Variants in DOCK6 observed in about 807,000 individuals in gnomAD.
DOCK6 encodes the protein dedicator of cytokinesis 6.
In DOCK6, 167 loss-of-function variants were observed where a neutral mutation model predicts 230.3. The ratio of observed to expected loss-of-function variants is 0.73; its 90% confidence interval spans 0.64 to 0.82. The LOEUF (loss-of-function observed/expected upper bound fraction) is 0.82, where lower values mean the gene tolerates loss of function less well. Ranked by LOEUF, DOCK6 falls within the 40% of genes least tolerant of loss-of-function variation. The pLI is 0.00. For missense variants in DOCK6, 2,598 were observed against 2,825.8 expected, an observed-to-expected ratio of 0.92 and a Z score of 1.83; for synonymous variants, 1,148 against 1,185.0, an observed-to-expected ratio of 0.97 and a Z score of 0.64.
intron 22 of DOCK6, among the ~76,000 whole-genome samples, chr19:11,230,544 G>A (rs1437890351): frequency 2.0e-5 from 3 of 152,066 alleles, no homozygotes; most frequent in African/African-American, 7.2e-5. Context: ...GAATGTGTGT[G>A]GCCAGAGAAG....
At position 11,211,997 on chromosome 19, in the gene DOCK6, T is replaced by A; in HGVS notation, c.4646A>T (p.Glu1549Val). The change falls in exon 36 of 48, where the codon GAG becomes GTG. Residue 1549 changes from glutamate to valine, a missense_variant. Physicochemically the swap from Glu to Val is moderately radical, Grantham distance 121. Coordinates refer to ENST00000294618, the MANE Select transcript of DOCK6 (RefSeq NM_020812.4). The part of the protein sequence containing the change: ...DMGLRDSTFA[E>V]QVQDLMFNLH... The stretch of plus-strand genomic sequence containing the variant: ...CGGGGACCCAGCAGGTGTCACCTGC[T>A]CTGCGAAGGTGCTGTCCCGCAGCCC... 6.2e-7 allele frequency: 1 copy of A among 1,603,066 alleles called. No homozygotes were observed. Among genetic ancestry groups the A allele is most frequent in the South Asian group, 1.1e-5 (1 of 89,464 alleles).
In DOCK6 at chr19:11,208,666, C is replaced by G. The variant is rs1225990867; in HGVS notation, c.5088+20G>C. ...CCTGGCCCGAGCCCCCTCTCCTGCA[C>G]CCAGTCCCCAAGGCCTCACCATGGT... On this transcript the variant is annotated intron_variant, in intron 39 of 47. Coordinates refer to ENST00000294618, the MANE Select transcript of DOCK6 (RefSeq NM_020812.4). The G allele has an allele frequency of 6.2e-7, 1 of 1,603,384 alleles. No individual in the cohort carries two copies. Among genetic ancestry groups the G allele is most frequent in the Admixed American group, 1.7e-5 (1 of 59,756 alleles).
In DOCK6 at chr19:11,236,557, G is replaced by T. The variant is rs773582745; in HGVS notation, c.2181C>A (p.Phe727Leu). ...VHPQDPYLDK[F>L]FTLVHVLEEG... ...CCTCCAGGACGTGCACCAGGGTGAA[G>T]AATTTGTCCAGGTAGGGGTCCTGGG... is the stretch of plus-strand genomic sequence containing the variant. The change falls in exon 20 of 48, where the codon TTC becomes TTA. Residue 727 changes from phenylalanine to leucine, a missense_variant. Transcript: ENST00000294618. This position sits in a 1 kb window ranked among gnomAD's most constrained non-coding sequence, Gnocchi z 5.2. 33 of 1,595,750 alleles carry T rather than the reference G, an allele frequency of 2.1e-5. No homozygotes were observed. The highest frequency in any genetic ancestry group is 2.5e-5 in the Non-Finnish European group (29 of 1,171,620).
intron 6 of DOCK6, among the ~76,000 whole-genome samples, chr19:11,250,383 C>T (rs1033849230): frequency 2.6e-5 from 4 of 151,132 alleles, no homozygotes; most frequent in East Asian, 2.0e-4. Context: ...ACGGTGATTT[C>T]GGCTCACTGC....
At chr19:11,234,599 C>T (rs1464041428) in intron 21 of DOCK6, among the ~76,000 whole-genome samples, 10 of 151,696 alleles carry the variant, frequency 6.6e-5, no homozygotes, top group Admixed American at 6.6e-4. Context: ...ACCAGTGCCC[C>T]CATGAGGTGG....
intron 3 of DOCK6, 81 bp from the exon 4 acceptor site, chr19:11,252,631 T>C (rs2080136051): frequency 1.9e-6 from 3 of 1,601,212 alleles, no homozygotes; most frequent in Non-Finnish European, 2.6e-6. Context: ...AGCACTGTCC[T>C]GCCTATTCCA....
At chr19:11,245,527 G>T (rs892003295) in intron 9 of DOCK6, 36 bp downstream of exon 9, 3 of 1,531,962 alleles carry the variant, frequency 2.0e-6, no homozygotes, top group Non-Finnish European at 2.7e-6. Context: ...AGTGACATTC[G>T]CCATTACCAC....
At chr19:11,237,275 C>A (rs2147831505) in intron 18 of DOCK6, 181 bp downstream of exon 18, 1 of 669,420 alleles carries the variant, frequency 1.5e-6, no homozygotes, top group South Asian at 1.8e-5. Flanking sequence ...CAATGGGAAT[C>A]TTTGGGGAGG....
chr19:11,243,486 G>A lies in DOCK6; in HGVS notation c.1258+71C>T. On this transcript the variant is annotated intron_variant, in intron 11 of 47. Coordinates refer to ENST00000294618, the MANE Select transcript of DOCK6 (RefSeq NM_020812.4). The surrounding 1 kb of genome is among the most constrained non-coding windows in gnomAD (Gnocchi z 6.3). The stretch of plus-strand genomic sequence containing the variant: ...AGCAGAGGGCGCACCCCCTCGCCCC[G>A]TAGCCCCGCCCCAGGCCTGTCAGCA... 1 of 1,529,768 alleles carries A rather than the reference G, an allele frequency of 6.5e-7. No individual in the cohort carries two copies. The highest frequency in any genetic ancestry group is 8.8e-7 in the Non-Finnish European group (1 of 1,135,494). The allele number at this position is 1,529,768 out of a possible 1,614,324, so 94.8% of individuals were successfully genotyped here. A position where few individuals can be genotyped will look rare whatever the true frequency, so the allele number is the denominator to read the frequency against.
At chr19:11,252,020 C>A in intron 5 of DOCK6, 99 bp downstream of exon 5, 2 of 1,531,696 alleles carry the variant, frequency 1.3e-6, no homozygotes, top group Non-Finnish European at 1.8e-6. Context: ...CTTTTGAGCT[C>A]AAGGCTGTTT....
At chr19:11,211,435 G>A (rs536982316) in intron 37 of DOCK6, among the ~76,000 whole-genome samples, 40 of 149,202 alleles carry the variant, frequency 2.7e-4, no homozygotes, top group Admixed American at 5.3e-4. Context: ...ATCCTCATCA[G>A]TACATTCTCC....
intron 1 of DOCK6, among the ~76,000 whole-genome samples, chr19:11,256,202 C>G (rs2080195313): frequency 6.6e-6 from 1 of 152,086 alleles, no homozygotes; most frequent in African/African-American, 2.4e-5. Flanking sequence ...TCTTCAAATT[C>G]CTAAAGTCGG....
At position 11,222,144 on chromosome 19, in the gene DOCK6, C is replaced by T. The variant is rs28481684; in HGVS notation, c.3345G>A (p.Thr1115=). ...QQHFLAGLLL[T]ELALALEPEA... is the part of the protein sequence containing the mutation. Reference sequence around the variant, plus strand: ...CAGGTTCGAGGGCCAGTGCCAGCTCCGTCAGCAGGAGCCCAGCTAGGAAGT... The same window carrying T: ...CAGGTTCGAGGGCCAGTGCCAGCTCTGTCAGCAGGAGCCCAGCTAGGAAGT... Residue 1115 remains threonine, a synonymous_variant, in exon 27 of 48, where the codon ACG becomes ACA. Transcript: ENST00000294618. This position sits in a 1 kb window ranked among gnomAD's most constrained non-coding sequence, Gnocchi z 4.0. The T allele has an allele frequency of 7.7e-3, 12,457 of 1,612,688 alleles. 797 individuals carry two copies. The African/African-American group carries it at 0.14, about 18-fold the overall frequency.
At position 11,224,006 on chromosome 19, in the gene DOCK6, T is replaced by C. The variant is rs190268411; in HGVS notation, c.2956-900A>G. 4.4e-3 allele frequency among the ~76,000 whole-genome samples: 669 copies of C among 152,210 alleles called. 5 individuals are homozygous for C. The highest frequency in any genetic ancestry group is 7.4e-3 in the Non-Finnish European group (503 of 68,018). On this transcript the variant is annotated intron_variant, in intron 24 of 47. Coordinates refer to ENST00000294618, the MANE Select transcript of DOCK6 (RefSeq NM_020812.4). ...TCTACTCTGTGCCAATCCCTGTGAATGAGGCAGATGCCATCCCTGCTGCGG... is the reference window on the plus strand; with the variant it reads ...TCTACTCTGTGCCAATCCCTGTGAACGAGGCAGATGCCATCCCTGCTGCGG...
intron 24 of DOCK6, among the ~76,000 whole-genome samples, chr19:11,225,868 TAAAAAA>T (rs745740690): frequency 2.8e-5 from 2 of 71,016 alleles, no homozygotes; most frequent in Non-Finnish European, 5.5e-5. Context: ...CTGACTCTAC[TAAAAAA>T]AAAAAAAAAA....
At chr19:11,229,566 A>G (rs10418759) in intron 22 of DOCK6, among the ~76,000 whole-genome samples, 52,461 of 151,854 alleles carry the variant, frequency 0.35, 12,928 homozygotes, top group African/African-American at 0.71. Flanking sequence ...GCCAATGGGG[A>G]CAGGCAAGAA....
chr19:11,247,968 C>A, intron 7 of DOCK6, 98 bp downstream of exon 7: 1 of 1,072,938 alleles, frequency 9.3e-7, no homozygotes, highest in South Asian at 1.4e-5. Flanking sequence ...GTGACAGGGC[C>A]GCACACGGTA....
chr19:11,199,416 C>G lies in DOCK6; in HGVS notation c.*81G>C. On this transcript the variant is annotated 3_prime_UTR_variant, in exon 48 of 48. Coordinates refer to ENST00000294618, the MANE Select transcript of DOCK6 (RefSeq NM_020812.4). ...TGGTCACCCCACAGCCCAGTGGGCA[C>G]CAGGGCAGACTCCCCTCGCAGCACA... is the stretch of plus-strand genomic sequence containing the variant. 6.6e-7 allele frequency: 1 copy of G among 1,509,260 alleles called. No homozygotes were observed. The highest frequency in any genetic ancestry group is 9.0e-7 in the Non-Finnish European group (1 of 1,108,408). 93.5% of individuals were successfully genotyped at this position (1,509,260 alleles called of 1,614,324 possible).
At chr19:11,226,295 C>T (rs1375380832) in intron 24 of DOCK6, among the ~76,000 whole-genome samples, 4 of 152,204 alleles carry the variant, frequency 2.6e-5, no homozygotes, top group Non-Finnish European at 5.9e-5. Context: ...CATTCGATGC[C>T]TCAGTTTCCC....
Sources: gnomAD v4.1 joint callset for allele counts (sites outside exome capture counted in the v4.1 genomes callset) on GRCh38, gnomAD v4.1.1 for gene constraint, Gnocchi (gnomAD v3.1) non-coding constraint, MANE v1.5 for transcripts, NCBI Gene and HGNC (gene_info 2026-07-23, HGNC 2026-07-21) for gene names.